Variants in PER2 observed in about 807,000 individuals in gnomAD.
The protein encoded by PER2 is period circadian regulator 2.
Under a neutral mutation model 121.0 loss-of-function variants are expected in PER2, and 66 were observed. The ratio of observed to expected loss-of-function variants is 0.55; its 90% confidence interval spans 0.45 to 0.67. PER2 has a LOEUF of 0.67. Among genes scored for constraint, PER2 ranks in the 30% least tolerant of loss-of-function variants. The probability of loss-of-function intolerance (pLI) is 0.00; values close to 1 mark genes in which losing one functional copy is unlikely to be tolerated. For synonymous variants in PER2, 684 were observed against 659.9 expected (o/e 1.04, Z -0.56); for missense variants, 1,521 against 1,635.0 (o/e 0.93, Z 1.20).
At position 238,262,580 on chromosome 2, in the gene PER2, A is replaced by G. The variant is rs375380603; in HGVS notation, c.1154-236T>C. ...ACCTCTGCTAGTGTCACTTGCATCT[A>G]TGAGGGCTGGGCTTGGTGAGGACAT... On this transcript the variant is annotated intron_variant, in intron 10 of 22. Coordinates refer to ENST00000254657, the MANE Select transcript of PER2 (RefSeq NM_022817.3). Among the ~76,000 whole-genome samples, 43 of 152,152 alleles carry G rather than the reference A, an allele frequency of 2.8e-4. 1 individual carries two copies. The South Asian group carries it at 7.3e-3, about 26-fold the overall frequency.
In PER2 at chr2:238,253,800, G is replaced by C; in HGVS notation, c.2321-98C>G. On this transcript the variant is annotated intron_variant, in intron 18 of 22. Transcript: ENST00000254657. This position sits in a 1 kb window ranked among gnomAD's most constrained non-coding sequence, Gnocchi z 5.6. ...TCCTGGGTTTCCAAATGCTGGCCCA[G>C]GGCCTGCCTGGTCCACCGAGCGGTT... 3 of 934,106 alleles carry C rather than the reference G, an allele frequency of 3.2e-6. No individual in the cohort carries two copies. In the South Asian group the frequency reaches 4.2e-5, roughly 13 times the overall value. The allele number at this position is 934,106 out of a possible 1,614,324, so 57.9% of individuals were successfully genotyped here.
In PER2 at chr2:238,262,290, C is replaced by G. The variant is rs140821434; in HGVS notation, c.1208G>C (p.Arg403Pro). Residue 403 changes from arginine (R) to proline (P), a missense_variant, in exon 11 of 23, where the codon CGG (arginine) becomes CCG (proline). Physicochemically the swap from Arg to Pro is moderately radical, Grantham distance 103. Transcript: ENST00000254657. ...FDYSPIRFRA[R>P]NGEYITLDTS... ...GTCCAACGTGATGTACTCTCCGTTC[C>G]GGGCGCGAAACCGAATGGGAGAATA... The G allele has an allele frequency of 6.2e-7, 1 of 1,613,788 alleles. No homozygotes were observed. The highest frequency in any genetic ancestry group is 1.3e-5 in the African/African-American group (1 of 74,836).
upstream of PER2, among the ~76,000 whole-genome samples, chr2:238,288,943 C>A (rs1355054346): frequency 6.6e-6 from 1 of 152,210 alleles, no homozygotes; most frequent in Admixed American, 6.5e-5. Context: ...ACATAAGACG[C>A]ACATGGAACT....
chr2:238,252,863 T>A lies in PER2; in HGVS notation c.3111+49A>T. On this transcript the variant is annotated intron_variant, in intron 19 of 22. Transcript: ENST00000254657. The surrounding 1 kb of genome is among the most constrained non-coding windows in gnomAD (Gnocchi z 4.2). ...GAGGATGTGCGGCCGGCCTGCCAGG[T>A]GTGCTGTTTGCTGCCTGCTTTGGGG... The A allele has an allele frequency of 6.6e-7, 1 of 1,509,176 alleles. No homozygotes were observed. The allele number at this position is 1,509,176 out of a possible 1,614,324, so 93.5% of individuals were successfully genotyped here.
In PER2 at chr2:238,253,208, A is replaced by G; in HGVS notation, c.2815T>C (p.Ser939Pro). ...PQFPSHPTLT[S>P]EMASASQPEF... ...GGCTGTGAGGCAGAGGCCATCTCGG[A>G]TGTGAGTGTGGGGTGGCTCGGAAAC... is the stretch of plus-strand genomic sequence containing the variant. Residue 939 changes from serine (S) to proline (P), a missense_variant, in exon 19 of 23, where the codon TCC becomes CCC. Transcript: ENST00000254657. The surrounding 1 kb of genome is among the most constrained non-coding windows in gnomAD (Gnocchi z 5.6). 3.1e-6 allele frequency: 5 copies of G among 1,595,732 alleles called. No homozygotes were observed. The highest frequency in any genetic ancestry group is 1.7e-5 in the Admixed American group (1 of 59,264).
chr2:238,260,905 C>T lies in PER2; in HGVS notation c.1465G>A (p.Gly489Arg), dbSNP rs1417839422. The change falls in exon 13 of 23, where the codon GGG becomes AGG. Residue 489 changes from glycine (G) to arginine (R), a missense_variant. Gly to Arg is a moderately radical substitution (Grantham distance 125). Transcript: ENST00000254657. Reference protein sequence around the residue: ...SSGYGSLGSNGSHEHLMSQTS... With the variant: ...SSGYGSLGSNRSHEHLMSQTS... Reference sequence around the variant, plus strand: ...TGGCTCATAAGGTGCTCGTGGGACCCGTTGCTGCCCAGACTCCCGTAGCCA... The same window carrying T: ...TGGCTCATAAGGTGCTCGTGGGACCTGTTGCTGCCCAGACTCCCGTAGCCA... 22 of 1,613,650 alleles carry T rather than the reference C, an allele frequency of 1.4e-5. No homozygotes were observed. The highest frequency in any genetic ancestry group is 1.5e-5 in the Non-Finnish European group (18 of 1,180,012).
the PER2 span, chr2:238,299,847 C>T: frequency 4.6e-5 from 7 of 152,254 alleles, no homozygotes; most frequent in Admixed American, 2.0e-4. Flanking sequence ...GACCTGCCCT[C>T]ACCACTGCTC....
At position 238,262,266 on chromosome 2, in the gene PER2, T is replaced by C. The variant is rs1256958054; in HGVS notation, c.1232A>G (p.Asp411Gly). The C allele has an allele frequency of 1.2e-6, 2 of 1,613,948 alleles. No individual in the cohort carries two copies. The highest frequency in any genetic ancestry group is 1.7e-6 in the Non-Finnish European group (2 of 1,179,932). Residue 411 changes from aspartate to glycine, a missense_variant, in exon 11 of 23, where the codon GAC (aspartate) becomes GGC (glycine). Transcript: ENST00000254657. ...RARNGEYITL[D>G]TSWSSFINPW... is the part of the protein sequence containing the mutation. ...GTTGATGAAGCTGGACCAGCTGGTG[T>C]CCAACGTGATGTACTCTCCGTTCCG...
At chr2:238,261,200 C>T (rs1347027524) in intron 12 of PER2, among the ~76,000 whole-genome samples, 1 of 152,250 alleles carries the variant, frequency 6.6e-6, no homozygotes, top group East Asian at 1.9e-4. Flanking sequence ...ATGTGTCCAA[C>T]CCGCTCATCA....
In PER2 at chr2:238,253,077, C is replaced by A; in HGVS notation, c.2946G>T (p.Gln982His). Residue 982 changes from glutamine (Q) to histidine (H), a missense_variant, in exon 19 of 23, where the codon CAG (glutamine) becomes CAT (histidine). Physicochemically the swap from Gln to His is conservative, Grantham distance 24 (BLOSUM62 0). Transcript: ENST00000254657. The surrounding 1 kb of genome is among the most constrained non-coding windows in gnomAD (Gnocchi z 5.6). The stretch of plus-strand genomic sequence containing the variant: ...GCTGCAGGGGCGAGCTGCTGCGGGA[C>A]TGAAAGAGCGGTGGGGAGGCCCTAC... ...AMGRASPPLF[Q>H]SRSSSPLQLN... The A allele has an allele frequency of 6.2e-7, 1 of 1,612,204 alleles. No homozygotes were observed. The highest frequency in any genetic ancestry group is 8.5e-7 in the Non-Finnish European group (1 of 1,178,624).
At chr2:238,266,194 C>CAA (rs1696105345) in intron 8 of PER2, among the ~76,000 whole-genome samples, 1 of 152,146 alleles carries the variant, frequency 6.6e-6, no homozygotes, top group Non-Finnish European at 1.5e-5. Context: ...TGAGCCACTG[C>CAA]GCCCGGCCCC....
Position 238,255,733 on chromosome 2 carries a change from T to C in PER2, c.2244A>G (p.Ile748Met), listed in dbSNP as rs1695740010. Residue 748 changes from isoleucine to methionine, a missense_variant, in exon 18 of 23, where the codon ATA becomes ATG. Ile to Met is a conservative substitution (Grantham distance 10). Transcript: ENST00000254657. ...GGGACTGGAAAATGCTGAGTTTTCT[T>C]ATTTCTTTGAACTTCTGCAGGAAGC... The part of the protein sequence containing the change: ...EQSFLQKFKE[I>M]RKLSIFQSHC... 1.2e-6 allele frequency: 2 copies of C among 1,614,252 alleles called. No individual in the cohort carries two copies. Among genetic ancestry groups the C allele is most frequent in the Non-Finnish European group, 1.7e-6 (2 of 1,180,036 alleles).
rs751869619 is a variant in PER2 at position 238,246,532 on chromosome 2, GAAAA to G, written c.3619-12_3619-9del. ...TTCACAGTAAACACATTCCTTAAAA[GAAAA>G]AAAAAGAGAAATCAGTAACAAACTT... On this transcript the variant is annotated splice_polypyrimidine_tract_variant and intron_variant, in intron 22 of 22. Transcript: ENST00000254657. 2 of 1,503,478 alleles carry G rather than the reference GAAAA, an allele frequency of 1.3e-6. No homozygotes were observed. Among genetic ancestry groups the G allele is most frequent in the Non-Finnish European group, 1.8e-6 (2 of 1,090,282 alleles). 93.1% of individuals were successfully genotyped at this position (1,503,478 alleles called of 1,614,324 possible).
At chr2:238,257,343 G>A (rs56043689) in intron 16 of PER2, among the ~76,000 whole-genome samples, 9,205 of 152,298 alleles carry the variant, frequency 0.06, 968 homozygotes, top group African/African-American at 0.21. Context: ...GCAGGGAGGC[G>A]CAGCAGCTTG....
intron 4 of PER2, among the ~76,000 whole-genome samples, chr2:238,274,801 T>C (rs569257567): frequency 2.6e-5 from 4 of 152,132 alleles, no homozygotes; most frequent in Non-Finnish European, 4.4e-5. Context: ...CCTTGTTCTG[T>C]CTGTATCAAC....
intron 1 of PER2, among the ~76,000 whole-genome samples, chr2:238,283,241 C>A (rs1696683390): frequency 6.6e-6 from 1 of 152,204 alleles, no homozygotes; most frequent in Non-Finnish European, 1.5e-5. Context: ...TTTGGCACAG[C>A]CTTTCTGAAG....
At chr2:238,257,853 T>C (rs1695809364) in intron 16 of PER2, among the ~76,000 whole-genome samples, 1 of 152,232 alleles carries the variant, frequency 6.6e-6, no homozygotes, top group Admixed American at 6.5e-5. Context: ...TTTAATGTGA[T>C]TTATGGGCCA....
At chr2:238,250,099 C>CA (rs1429122170) in intron 21 of PER2, among the ~76,000 whole-genome samples, 1 of 152,256 alleles carries the variant, frequency 6.6e-6, no homozygotes, top group African/African-American at 2.4e-5. Flanking sequence ...GATGTGGACA[C>CA]AGAGCCCCGG....
chr2:238,271,532 G>A lies in PER2; in HGVS notation c.571-19C>T, dbSNP rs780429621. 2.8e-5 allele frequency: 45 copies of A among 1,588,976 alleles called. No homozygotes were observed. The highest frequency in any genetic ancestry group is 3.6e-5 in the Non-Finnish European group (42 of 1,160,292). On this transcript the variant is annotated intron_variant, in intron 5 of 22. Transcript: ENST00000254657. ...ACATATCCTGAAAAGGAAGAGTAGG[G>A]CTCTGATGACAAGGTCAGATGGTGT... is the stretch of plus-strand genomic sequence containing the variant.
Sources: allele counts gnomAD v4.1 joint callset (sites outside exome capture counted in the v4.1 genomes callset), GRCh38; gene constraint gnomAD v4.1.1; non-coding constraint Gnocchi (gnomAD v3.1); transcripts MANE v1.5; gene names NCBI Gene and HGNC (gene_info 2026-07-23, HGNC 2026-07-21).